NAALADL2: variants seen among roughly 807,000 people sequenced by gnomAD.
The protein encoded by NAALADL2 is inactive N-acetylated-alpha-linked acidic dipeptidase-like protein 2.
In NAALADL2, 76 loss-of-function variants were observed where a neutral mutation model predicts 87.2. The ratio of observed to expected loss-of-function variants is 0.87; its 90% CI spans 0.72 to 1.05. NAALADL2 has a LOEUF of 1.05. NAALADL2 is among the 50% of genes least tolerant of loss of function. The pLI is 0.00. For missense variants in NAALADL2, 1,089 were observed against 945.8 expected (o/e 1.15, Z -1.99); for synonymous variants, 354 against 331.0 (o/e 1.07, Z -0.75).
In NAALADL2 at chr3:175,545,113, C is replaced by T. The variant is rs557345209; in HGVS notation, c.1654-30928C>T. On this transcript the variant is annotated intron_variant, in intron 9 of 13. Transcript: ENST00000454872. Reference sequence around the variant, plus strand: ...CCAAAAACATTATTAGAGAGGCCAGCAGATATTATTATACTCATTTAACAG... The same window carrying T: ...CCAAAAACATTATTAGAGAGGCCAGTAGATATTATTATACTCATTTAACAG... Among the ~76,000 whole-genome samples the T allele has an allele frequency of 2.6e-5, 4 of 152,096 alleles. No individual in the cohort carries two copies. The East Asian group carries it at 5.8e-4, about 22-fold the overall frequency.
At chr3:175,727,403 T>C (rs1243193571) in intron 11 of NAALADL2, among the ~76,000 whole-genome samples, 3 of 152,180 alleles carry the variant, frequency 2.0e-5, no homozygotes, top group Non-Finnish European at 4.4e-5. Context: ...AGTTTCTTTT[T>C]GGTAGGCCCC....
intron 11 of NAALADL2, among the ~76,000 whole-genome samples, chr3:175,657,399 TA>T (rs1366053310): frequency 6.6e-6 from 1 of 152,150 alleles, no homozygotes; most frequent in Non-Finnish European, 1.5e-5. Flanking sequence ...TTTATTTTCG[TA>T]AAAATCATTT....
intron 11 of NAALADL2, among the ~76,000 whole-genome samples, chr3:175,729,365 TGAATTAAC>T (rs1743363577): frequency 1.3e-5 from 2 of 152,172 alleles, no homozygotes; most frequent in African/African-American, 4.8e-5. Flanking sequence ...TGTGTTAAAG[TGAATTAAC>T]AATGGCCTGA....
chr3:175,014,340 A>T (rs375812687), intron 1 of NAALADL2, among the ~76,000 whole-genome samples: 5 of 152,034 alleles, frequency 3.3e-5, no homozygotes, highest in Non-Finnish European at 5.9e-5. Flanking sequence ...CTGCACCCCC[A>T]TCCCTAAACA....
intron 11 of NAALADL2, among the ~76,000 whole-genome samples, chr3:175,690,318 C>T (rs1736877174): frequency 6.6e-6 from 1 of 151,824 alleles, no homozygotes; most frequent in Non-Finnish European, 1.5e-5. Flanking sequence ...TGTATTCTCA[C>T]ATCTGTTAAG....
rs1175180896 is a variant in NAALADL2, at chr3:175,804,209, A to G, written c.*1006A>G. 1 of 151,418 alleles carries G rather than the reference A, an allele frequency of 6.6e-6. No homozygotes were observed. Among genetic ancestry groups the G allele is most frequent in the Non-Finnish European group, 1.5e-5 (1 of 67,588 alleles). The allele number at this position is 151,418 out of a possible 1,614,324, so 9.4% of individuals were successfully genotyped here. On this transcript the variant is annotated 3_prime_UTR_variant, in exon 14 of 14. Coordinates refer to ENST00000454872, the MANE Select transcript of NAALADL2 (RefSeq NM_207015.3). ...TTTCTGCCTCTGACAAAAAGAACTT[A>G]CTATGAAAGAAATAGTTGTTTTATC... is the stretch of plus-strand genomic sequence containing the variant.
At chr3:175,366,023 C>G (rs1446764735) in intron 5 of NAALADL2, among the ~76,000 whole-genome samples, 1 of 76,764 alleles carries the variant, frequency 1.3e-5, no homozygotes, top group African/African-American at 4.9e-5. Context: ...CTCCCCCCTC[C>G]CCCCACCCCA....
At chr3:175,210,658 A>T (rs1472098899) in intron 2 of NAALADL2, among the ~76,000 whole-genome samples, 3 of 151,670 alleles carry the variant, frequency 2.0e-5, no homozygotes, top group African/African-American at 4.8e-5. Context: ...GAAAATAAGA[A>T]AAAAGGGAAA....
At position 174,964,906 on chromosome 3, in the gene NAALADL2, A is replaced by C. The variant is rs73047098; in HGVS notation, c.43+105456A>C. Among the ~76,000 whole-genome samples the C allele has an allele frequency of 9.4e-3, 1,433 of 151,830 alleles. 19 individuals carry two copies. The highest frequency in any genetic ancestry group is 0.033 in the African/African-American group (1,347 of 41,402). On this transcript the variant is annotated intron_variant, in intron 1 of 13. Coordinates refer to ENST00000454872, the MANE Select transcript of NAALADL2 (RefSeq NM_207015.3). ...TATATATATAATTTTATTGACATGA[A>C]AATTGAAAATATCTAGTTGGATTGA...
intron 10 of NAALADL2, among the ~76,000 whole-genome samples, chr3:175,611,806 C>T (rs1479797351): frequency 6.6e-6 from 1 of 152,114 alleles, no homozygotes. Flanking sequence ...CAGAGACACT[C>T]ATTGAGAGAC....
chr3:175,680,455 G>C (rs7428722), intron 11 of NAALADL2, among the ~76,000 whole-genome samples: 8,080 of 152,238 alleles, frequency 0.053, 696 homozygotes, highest in African/African-American at 0.18. Flanking sequence ...ACAAGTAAAT[G>C]ATAATAGAGA....
chr3:174,806,516 C>G (rs901521341), intron 3 of NAALADL2, among the ~76,000 whole-genome samples: 2 of 152,186 alleles, frequency 1.3e-5, no homozygotes, highest in Non-Finnish European at 1.5e-5. Flanking sequence ...GTTGAGGAAA[C>G]AAGTCTTTCC....
intron 1 of NAALADL2, among the ~76,000 whole-genome samples, chr3:174,919,191 G>A (rs1189846569): frequency 6.6e-6 from 1 of 152,044 alleles, no homozygotes; most frequent in African/African-American, 2.4e-5. Flanking sequence ...ATTGCTGAAG[G>A]TTGGGCTGCT....
At chr3:175,158,418 C>A (rs1466137782) in intron 2 of NAALADL2, among the ~76,000 whole-genome samples, 1 of 146,416 alleles carries the variant, frequency 6.8e-6, no homozygotes, top group Non-Finnish European at 1.5e-5. Flanking sequence ...CATCAGGAAC[C>A]CAAAACTTGA....
intron 4 of NAALADL2, among the ~76,000 whole-genome samples, chr3:175,263,107 G>C (rs1266654513): frequency 1.3e-5 from 2 of 151,788 alleles, no homozygotes; most frequent in Non-Finnish European, 1.5e-5. Flanking sequence ...TACAAAATTG[G>C]AAAGTAATAG....
At chr3:174,896,322 A>G (rs1221837552) in intron 1 of NAALADL2, among the ~76,000 whole-genome samples, 1 of 152,140 alleles carries the variant, frequency 6.6e-6, no homozygotes, top group Non-Finnish European at 1.5e-5. Context: ...TGATAAAAAA[A>G]ATTCATTCAA....
At chr3:175,561,545 T>C (rs1037845809) in intron 9 of NAALADL2, among the ~76,000 whole-genome samples, 7 of 152,208 alleles carry the variant, frequency 4.6e-5, no homozygotes, top group African/African-American at 1.7e-4. Flanking sequence ...GTACTATCAA[T>C]AGATAGTATT....
At chr3:175,045,863 T>G (rs767288891) in intron 1 of NAALADL2, among the ~76,000 whole-genome samples, 5 of 152,172 alleles carry the variant, frequency 3.3e-5, no homozygotes, top group African/African-American at 9.7e-5. Flanking sequence ...GGAGGAACAC[T>G]ATCACTATTT....
chr3:175,600,564 G>A (rs1179860887), intron 10 of NAALADL2, among the ~76,000 whole-genome samples: 1 of 104,416 alleles, frequency 9.6e-6, no homozygotes, highest in African/African-American at 3.9e-5. Flanking sequence ...TTGAGACGGA[G>A]TCTCGCTCTG....
Sources: gnomAD v4.1 joint callset for allele counts (sites outside exome capture counted in the v4.1 genomes callset) on GRCh38, gnomAD v4.1.1 for gene constraint, MANE v1.5 for transcripts, NCBI Gene and HGNC (gene_info 2026-07-23, HGNC 2026-07-21) for gene names.